Variants in PLXNA4 observed in about 807,000 individuals in gnomAD.
PLXNA4 encodes the protein plexin-A4.
Under a neutral mutation model 191.8 loss-of-function variants are expected in PLXNA4, and 44 were observed. The ratio of observed to expected loss-of-function variants is 0.23; its 90% CI spans 0.18 to 0.29. PLXNA4 has a LOEUF of 0.29. Among genes scored for constraint, PLXNA4 ranks in the 10% least tolerant of loss-of-function variants. The pLI, the probability that PLXNA4 is intolerant of heterozygous loss-of-function variation, is 1.00. For synonymous variants in PLXNA4, 1,082 were observed against 1,009.5 expected, an observed-to-expected ratio of 1.07 and a Z score of -1.36; for missense variants, 1,800 against 2,488.8, an observed-to-expected ratio of 0.72 and a Z score of 5.89.
At chr7:132,402,613 C>T (rs1023682465) in intron 3 of PLXNA4, among the ~76,000 whole-genome samples, 3 of 152,220 alleles carry the variant, frequency 2.0e-5, no homozygotes, top group Admixed American at 6.5e-5. Flanking sequence ...CACAGCTCCC[C>T]TCTCAAAGCC....
intron 1 of PLXNA4, among the ~76,000 whole-genome samples, chr7:132,510,588 C>T (rs762146778): frequency 3.3e-5 from 5 of 152,132 alleles, no homozygotes; most frequent in East Asian, 1.9e-4. Flanking sequence ...CTGATACGCA[C>T]GACAAAAAGT....
At chr7:132,639,422 C>T (rs1308104331) in intron 2 of PLXNA4, among the ~76,000 whole-genome samples, 1 of 152,190 alleles carries the variant, frequency 6.6e-6, no homozygotes. Context: ...ACCATGTATA[C>T]ACTGACATCA....
At chr7:132,576,865 G>C (rs1318987603), upstream of PLXNA4, 3 of 151,624 alleles carry the variant, frequency 2.0e-5, no homozygotes. The surrounding 1 kb of genome is among the most constrained non-coding windows in gnomAD (Gnocchi z 5.8). Context: ...GTCACTCCGC[G>C]CCGCCCATGC....
At chr7:132,348,268 A>G (rs1803330118) in intron 3 of PLXNA4, among the ~76,000 whole-genome samples, 2 of 152,158 alleles carry the variant, frequency 1.3e-5, no homozygotes, top group African/African-American at 4.8e-5. Flanking sequence ...ATCTTTTCCA[A>G]TCTTCTATAC....
intron 4 of PLXNA4, among the ~76,000 whole-genome samples, 180 bp downstream of exon 4, chr7:132,297,911 T>C (rs1801161886): frequency 1.3e-5 from 2 of 152,222 alleles, no homozygotes; most frequent in African/African-American, 2.4e-5. Context: ...TTCTTTCCTG[T>C]TTCAGAACAC....
intron 9 of PLXNA4, among the ~76,000 whole-genome samples, chr7:132,214,819 T>G (rs1797915291): frequency 6.6e-6 from 1 of 152,130 alleles, no homozygotes; most frequent in Non-Finnish European, 1.5e-5. Flanking sequence ...TCGGCTAGTT[T>G]CAGAGTCTTG....
intron 13 of PLXNA4, among the ~76,000 whole-genome samples, chr7:132,198,182 T>C (rs1797311397): frequency 6.6e-6 from 1 of 152,194 alleles, no homozygotes; most frequent in Non-Finnish European, 1.5e-5. Flanking sequence ...TACACTTCTC[T>C]TGCAGATTTT....
At chr7:132,487,226 C>T (rs1797597699) in intron 3 of PLXNA4, among the ~76,000 whole-genome samples, 1 of 152,214 alleles carries the variant, frequency 6.6e-6, no homozygotes, top group South Asian at 2.1e-4. Context: ...CTACTCCATC[C>T]TGCCAGCTAG....
chr7:132,647,334 CACAT>C (rs1295774715), intron 1 of PLXNA4, among the ~76,000 whole-genome samples: 2 of 152,206 alleles, frequency 1.3e-5, no homozygotes, highest in East Asian at 1.9e-4. Context: ...ATCATATACA[CACAT>C]ATACACTCAC....
At chr7:132,636,496 T>C (rs891423268) in intron 2 of PLXNA4, among the ~76,000 whole-genome samples, 3 of 152,100 alleles carry the variant, frequency 2.0e-5, no homozygotes, top group African/African-American at 7.2e-5. Context: ...GAGTGATTGG[T>C]TATTATCCCA....
intron 7 of PLXNA4, among the ~76,000 whole-genome samples, chr7:132,226,716 TG>T (rs1048849143): frequency 1.3e-5 from 2 of 152,190 alleles, no homozygotes; most frequent in African/African-American, 2.4e-5. Flanking sequence ...CCACTTCCTC[TG>T]GGGGGCTCAG....
chr7:132,512,780 T>A (rs1204543872), intron 1 of PLXNA4, among the ~76,000 whole-genome samples: 1 of 152,110 alleles, frequency 6.6e-6, no homozygotes, highest in Non-Finnish European at 1.5e-5. Flanking sequence ...GGGTTTCCCT[T>A]CCAGGATGTC....
intron 3 of PLXNA4, among the ~76,000 whole-genome samples, chr7:132,438,638 T>C (rs1223824569): frequency 6.6e-6 from 1 of 152,214 alleles, no homozygotes; most frequent in African/African-American, 2.4e-5. Context: ...GATATTAGAC[T>C]ATGGGAGTAT....
chr7:132,260,630 A>G (rs930819931), intron 4 of PLXNA4, among the ~76,000 whole-genome samples: 2 of 152,018 alleles, frequency 1.3e-5, no homozygotes, highest in African/African-American at 4.8e-5. Context: ...CGATTTACCC[A>G]TGCAACAAAC....
chr7:132,635,406 C>T (rs1266367210), intron 2 of PLXNA4, among the ~76,000 whole-genome samples: 3 of 151,874 alleles, frequency 2.0e-5, no homozygotes, highest in Non-Finnish European at 4.4e-5. Context: ...GGATATGGCC[C>T]CTGTCCCCAG....
Position 132,489,432 on chromosome 7 carries a change from C to A in PLXNA4, c.1231G>T (p.Ala411Ser). ...DDNFCGLDMN[A>S]PLGVSDMVRG... ...ACCATGTCGGACACTCCCAGGGGAGCATTCATGTCCAGGCCACAGAAGTTA... is the reference window on the plus strand; with the variant it reads ...ACCATGTCGGACACTCCCAGGGGAGAATTCATGTCCAGGCCACAGAAGTTA... Residue 411 changes from alanine (A) to serine (S), a missense_variant, in exon 3 of 32, where the codon GCT (alanine) becomes TCT (serine). This residue lies in a region of PLXNA4 where 1,397 missense variants were observed against 1,880.4 expected (regional missense o/e 0.74). Coordinates refer to ENST00000321063, the MANE Select transcript of PLXNA4 (RefSeq NM_020911.2). The A allele has an allele frequency of 6.3e-7, 1 of 1,587,062 alleles. No individual in the cohort carries two copies. Among genetic ancestry groups the A allele is most frequent in the Non-Finnish European group, 8.6e-7 (1 of 1,157,652 alleles).
intron 1 of PLXNA4, among the ~76,000 whole-genome samples, chr7:132,562,454 TTCTCCTC>T (rs1801236600): frequency 1.2e-5 from 1 of 85,258 alleles, no homozygotes; most frequent in Non-Finnish European, 2.7e-5. Flanking sequence ...CTCCTCCTCC[TTCTCCTC>T]CTCCTCCTTT....
chr7:132,517,972 G>C (rs1799006306), intron 1 of PLXNA4, among the ~76,000 whole-genome samples: 1 of 152,156 alleles, frequency 6.6e-6, no homozygotes, highest in Admixed American at 6.5e-5. Flanking sequence ...TCTTCAGTAA[G>C]GTCAGTATTT....
chr7:132,634,988 C>T (rs200218925), intron 2 of PLXNA4, among the ~76,000 whole-genome samples: 2 of 152,018 alleles, frequency 1.3e-5, no homozygotes, highest in African/African-American at 2.4e-5. Flanking sequence ...CGAGAAAAGA[C>T]GAGACTGGCC....
Sources: gnomAD v4.1 joint callset for allele counts (sites outside exome capture counted in the v4.1 genomes callset) on GRCh38, gnomAD v4.1.1 for gene constraint, gnomAD v4.1.1 regional missense constraint, Gnocchi (gnomAD v3.1) non-coding constraint, MANE v1.5 for transcripts, NCBI Gene and HGNC (gene_info 2026-07-23, HGNC 2026-07-21) for gene names.